Variants in ATP9A observed in about 807,000 individuals in gnomAD.
ATP9A encodes ATPase phospholipid transporting 9A.
In ATP9A, 52 loss-of-function variants were observed where a neutral mutation model predicts 144.1. That is an observed-to-expected ratio of 0.36 (90% CI 0.29 to 0.45). The LOEUF is 0.45. Ranked by LOEUF, ATP9A falls within the 20% of genes least tolerant of loss-of-function variation. The pLI is 1.00. For synonymous variants in ATP9A, 582 were observed against 557.4 expected (o/e 1.04, Z -0.62); for missense variants, 947 against 1,392.7 (o/e 0.68, Z 5.09).
At chr20:51,733,268 G>T (rs563138889) in intron 1 of ATP9A, among the ~76,000 whole-genome samples, 1 of 152,254 alleles carries the variant, frequency 6.6e-6, no homozygotes, top group Non-Finnish European at 1.5e-5. Flanking sequence ...AAATACCTTA[G>T]ACTATGTAAT....
chr20:51,754,248 T>C (rs1157788280), intron 1 of ATP9A, among the ~76,000 whole-genome samples: 3 of 152,038 alleles, frequency 2.0e-5, no homozygotes, highest in Non-Finnish European at 4.4e-5. Context: ...ATGCTTGTAA[T>C]CCCAGCACTT....
intron 4 of ATP9A, among the ~76,000 whole-genome samples, 176 bp from the exon 5 acceptor site, chr20:51,697,658 G>A (rs2077576319): frequency 2.0e-5 from 3 of 152,224 alleles, no homozygotes; most frequent in South Asian, 4.1e-4. Flanking sequence ...GGGTTCAACC[G>A]CTACAGAGGC....
chr20:51,723,258 G>A (rs1383973636), intron 3 of ATP9A, among the ~76,000 whole-genome samples: 1 of 152,128 alleles, frequency 6.6e-6, no homozygotes, highest in Non-Finnish European at 1.5e-5. Flanking sequence ...GGAAAAGAGT[G>A]GGGAGGGAGG....
chr20:51,720,727 A>C (rs1389653975), intron 3 of ATP9A, among the ~76,000 whole-genome samples: 1 of 152,156 alleles, frequency 6.6e-6, no homozygotes, highest in Non-Finnish European at 1.5e-5. Flanking sequence ...CCAGTTACTG[A>C]GGAGGCTGAG....
chr20:51,682,152 G>GC (rs1399418633), intron 9 of ATP9A, among the ~76,000 whole-genome samples: 2 of 152,062 alleles, frequency 1.3e-5, no homozygotes, highest in East Asian at 1.9e-4. Flanking sequence ...TATGCTTACT[G>GC]CCCGGGTGAC....
intron 14 of ATP9A, 130 bp from the exon 15 acceptor site, chr20:51,639,634 G>T: frequency 1.0e-6 from 1 of 955,636 alleles, no homozygotes; most frequent in Non-Finnish European, 1.5e-6. Flanking sequence ...CCTTAGGGAC[G>T]CCAAGTGCTC....
At chr20:51,680,004 T>G (rs951543197) in intron 9 of ATP9A, among the ~76,000 whole-genome samples, 2 of 151,264 alleles carry the variant, frequency 1.3e-5, no homozygotes, top group African/African-American at 4.9e-5. Flanking sequence ...CTGAGGCGGG[T>G]GGATCACTTG....
In ATP9A at chr20:51,671,252, C is replaced by A; in HGVS notation, c.1043G>T (p.Arg348Leu). Residue 348 changes from arginine (R) to leucine (L), a missense_variant, in exon 12 of 28, where the codon CGT becomes CTT. By Grantham distance (102) the Arg-to-Leu change is moderately radical. This residue lies in a region of ATP9A where 770 missense variants were observed against 1,047.9 expected (regional missense o/e 0.73). Coordinates refer to ENST00000338821, the MANE Select transcript of ATP9A (RefSeq NM_006045.3). ...GATCTTGCCCATGTCCAGGTTCACA[C>A]GCAAACTAGGCACAAAACCAGAGCA... ...LFSNIIPISL[R>L]VNLDMGKIVY... 6.2e-7 allele frequency: 1 copy of A among 1,612,822 alleles called. No individual in the cohort carries two copies. The highest frequency in any genetic ancestry group is 2.2e-5 in the East Asian group (1 of 44,820).
intron 9 of ATP9A, among the ~76,000 whole-genome samples, chr20:51,687,774 A>AT (rs199920841): frequency 7.2e-4 from 87 of 120,324 alleles, no homozygotes; most frequent in Non-Finnish European, 9.8e-4. Flanking sequence ...AAAAAAAAAA[A>AT]AAATGAATGA....
chr20:51,746,044 G>C (rs2071627806), intron 1 of ATP9A, among the ~76,000 whole-genome samples: 1 of 152,202 alleles, frequency 6.6e-6, no homozygotes, highest in Admixed American at 6.5e-5. Flanking sequence ...GATTGAGCTG[G>C]AGGCTATTAT....
intron 4 of ATP9A, among the ~76,000 whole-genome samples, chr20:51,711,102 C>T (rs191435911): frequency 6.6e-6 from 1 of 152,292 alleles, no homozygotes; most frequent in East Asian, 1.9e-4. Context: ...AAGCCCAAGC[C>T]ACCTGCCTCT....
At chr20:51,749,889 G>T (rs976563232) in intron 1 of ATP9A, among the ~76,000 whole-genome samples, 1 of 152,054 alleles carries the variant, frequency 6.6e-6, no homozygotes, top group East Asian at 1.9e-4. Flanking sequence ...GGCTCATCCT[G>T]TAATCCCAGC....
chr20:51,695,704 C>T (rs1484460340), intron 6 of ATP9A, among the ~76,000 whole-genome samples: 2 of 152,142 alleles, frequency 1.3e-5, no homozygotes, highest in Non-Finnish European at 2.9e-5. Flanking sequence ...TTCTGTACTG[C>T]CCCCATCATG....
chr20:51,627,739 G>A, intron 16 of ATP9A, 56 bp from the exon 17 acceptor site: 1 of 1,456,432 alleles, frequency 6.9e-7, no homozygotes, highest in Non-Finnish European at 9.6e-7. Flanking sequence ...TGACCTCACT[G>A]GGGAAGGACC....
chr20:51,726,817 G>A (rs144531272), intron 2 of ATP9A, among the ~76,000 whole-genome samples: 1,532 of 150,918 alleles, frequency 0.01, 28 homozygotes, highest in African/African-American at 0.036. Context: ...GGGCTCAAGC[G>A]ATCCTCCCAC....
At chr20:51,704,608 C>A (rs1001527453) in intron 4 of ATP9A, among the ~76,000 whole-genome samples, 2 of 152,080 alleles carry the variant, frequency 1.3e-5, no homozygotes, top group African/African-American at 4.8e-5. Flanking sequence ...TGGAGAAACA[C>A]CGTCTCTACT....
At chr20:51,613,192 ATTC>A (rs2077191129) in intron 23 of ATP9A, among the ~76,000 whole-genome samples, 2 of 152,348 alleles carry the variant, frequency 1.3e-5, no homozygotes, top group South Asian at 2.1e-4. Context: ...AGCAAAGTAC[ATTC>A]TTCTTTAGTG....
chr20:51,705,489 G>GCATA (rs2077611146), intron 4 of ATP9A, among the ~76,000 whole-genome samples: 1 of 152,184 alleles, frequency 6.6e-6, no homozygotes, highest in African/African-American at 2.4e-5. Context: ...ACGCAAAAGA[G>GCATA]CATAGATCTT....
intron 15 of ATP9A, among the ~76,000 whole-genome samples, chr20:51,633,356 C>T (rs2426326): frequency 0.43 from 65,595 of 151,802 alleles, 15,129 homozygotes; most frequent in East Asian, 0.68. Flanking sequence ...GATAATTTTA[C>T]AAAAATGTGT....
Sources: allele counts gnomAD v4.1 joint callset (sites outside exome capture counted in the v4.1 genomes callset), GRCh38; gene constraint gnomAD v4.1.1; regional missense constraint gnomAD v4.1.1; transcripts MANE v1.5; gene names NCBI Gene and HGNC (gene_info 2026-07-23, HGNC 2026-07-21).